The following SGO1 variants were observed in gnomAD, a reference collection of about 807,000 sequenced individuals.
SGO1 encodes the protein shugoshin 1, also known as serologically defined breast cancer antigen NY-BR-85.
In SGO1, 39 loss-of-function variants were observed where a neutral mutation model predicts 50.5. That is an observed-to-expected ratio of 0.77 (90% confidence interval 0.60 to 1.01). The LOEUF is 1.01. SGO1 is among the 50% of genes least tolerant of loss of function. The pLI, the probability that SGO1 is intolerant of heterozygous loss-of-function variation, is 0.00. For synonymous variants in SGO1, 191 were observed against 205.1 expected, an observed-to-expected ratio of 0.93 and a Z score of 0.59; for missense variants, 638 against 606.0, an observed-to-expected ratio of 1.05 and a Z score of -0.55.
chr3:20,163,068 G>A (rs1700121574), intron 8 of SGO1, among the ~76,000 whole-genome samples: 1 of 151,948 alleles, frequency 6.6e-6, no homozygotes, highest in African/African-American at 2.4e-5. Flanking sequence ...TAAGAAGTTA[G>A]GAAAGGGCAA....
At chr3:20,185,418 G>T (rs545546032) in intron 1 of SGO1, among the ~76,000 whole-genome samples, 16 of 152,306 alleles carry the variant, frequency 1.1e-4, no homozygotes, top group African/African-American at 3.8e-4. Context: ...TTATTAGCAG[G>T]GGGTGTGGTA....
In SGO1 at chr3:20,176,646, C is replaced by A; in HGVS notation, c.430G>T (p.Glu144Ter). ...CCTTGTCCTGGAAGTTCAGTTTCTT[C>A]AAGAGGAATTTGCCTTAGAAAATAC... Reference protein sequence around the residue: ...FVKDLPQIPLEETELPGQGES... With the variant: ...FVKDLPQIPL The change falls in exon 5 of 8, where the codon GAA (glutamate) becomes TAA (stop). Residue 144 changes from glutamate (E) to a stop codon, truncating the protein, a stop_gained. Coordinates refer to ENST00000412997, the MANE Select transcript of SGO1 (RefSeq NM_001199251.3). LOFTEE classifies it high-confidence loss of function. 6.4e-7 allele frequency: 1 copy of A among 1,568,536 alleles called. No individual in the cohort carries two copies. The highest frequency in any genetic ancestry group is 1.2e-5 in the South Asian group (1 of 80,770).
Position 20,170,740 on chromosome 3 carries a change from C to A in SGO1, c.1548G>T (p.Leu516Phe). Residue 516 changes from leucine (L) to phenylalanine (F), a missense_variant, in exon 8 of 8, where the codon TTG becomes TTT. By Grantham distance (22) the Leu-to-Phe change is conservative. Transcript: ENST00000412997. ...NSPIFKQKKD[L>F]RRSKKSMKQI... is the part of the protein sequence containing the mutation. ...GTTTCATACTTTTTTTAGAACGTCT[C>A]AAATCCTTTTTCTGCTTGAAAATAG... is the stretch of plus-strand genomic sequence containing the variant. The A allele has an allele frequency of 6.3e-7, 1 of 1,592,000 alleles. No homozygotes were observed. Among genetic ancestry groups the A allele is most frequent in the Non-Finnish European group, 8.5e-7 (1 of 1,174,916 alleles).
Position 20,183,612 on chromosome 3 carries a change from G to C in SGO1, c.335C>G (p.Ala112Gly), listed in dbSNP as rs540144797. The change falls in exon 3 of 8, where the codon GCT (alanine) becomes GGT (glycine). Residue 112 changes from alanine (A) to glycine (G), a missense_variant. Transcript: ENST00000412997. ...CGGCCTTAGTAATGAAAATACCTGA[G>C]CAGGTTCTACTGTTTGTTGTGATGT... ...KLTSQQTVEP[A>G]QNQEICSSGM... 6.3e-7 allele frequency: 1 copy of C among 1,575,894 alleles called. No individual in the cohort carries two copies. The highest frequency in any genetic ancestry group is 8.6e-7 in the Non-Finnish European group (1 of 1,166,668).
At chr3:20,175,832 C>G (rs1440842612) in intron 5 of SGO1, among the ~76,000 whole-genome samples, 1 of 151,754 alleles carries the variant, frequency 6.6e-6, no homozygotes, top group East Asian at 1.9e-4. Context: ...TTTATGTGCT[C>G]TTGGTTTAAA....
chr3:20,174,854 A>C lies in SGO1; in HGVS notation c.677T>G (p.Val226Gly), dbSNP rs763248748. ...LAGKSFEFER[V>G]GFLDPLVNMH... is the part of the protein sequence containing the mutation. Reference sequence around the variant, plus strand: ...GTTTACTAGTGGGTCTAAAAATCCAACTCTTTCGAATTCAAAAGACTTCCC... The same window carrying C: ...GTTTACTAGTGGGTCTAAAAATCCACCTCTTTCGAATTCAAAAGACTTCCC... The change falls in exon 6 of 8, where the codon GTT becomes GGT. Residue 226 changes from valine to glycine, a missense_variant. By Grantham distance (109) the Val-to-Gly change is moderately radical. Coordinates refer to ENST00000412997, the MANE Select transcript of SGO1 (RefSeq NM_001199251.3). The C allele has an allele frequency of 6.2e-7, 1 of 1,613,970 alleles. No homozygotes were observed. The highest frequency in any genetic ancestry group is 1.7e-5 in the Admixed American group (1 of 60,004).
intron 6 of SGO1, among the ~76,000 whole-genome samples, chr3:20,172,792 TAAAAAAA>T (rs60411282): frequency 1.0e-5 from 1 of 98,910 alleles, no homozygotes; most frequent in South Asian, 3.4e-4. Flanking sequence ...TCACAAAAAG[TAAAAAAA>T]AAAAAAAAAA....
intron 3 of SGO1, among the ~76,000 whole-genome samples, chr3:20,182,067 A>G (rs1478663574): frequency 6.6e-6 from 1 of 152,014 alleles, no homozygotes; most frequent in African/African-American, 2.4e-5. Context: ...TGGGTGACAG[A>G]GCAAGACTCT....
At position 20,181,954 on chromosome 3, in the gene SGO1, A is replaced by G. The variant is rs543182315; in HGVS notation, c.339+1654T>C. 6.6e-5 allele frequency among the ~76,000 whole-genome samples: 10 copies of G among 151,998 alleles called. No homozygotes were observed. In the South Asian group the frequency reaches 1.7e-3, roughly 25 times the overall value. Reference sequence around the variant, plus strand: ...AAAAATTAGCCAGGTGTGGTGGCGCATGCCTGTAATCCCAGCTACTCGGGA... The same window carrying G: ...AAAAATTAGCCAGGTGTGGTGGCGCGTGCCTGTAATCCCAGCTACTCGGGA... On this transcript the variant is annotated intron_variant, in intron 3 of 7. Transcript: ENST00000412997.
intron 3 of SGO1, among the ~76,000 whole-genome samples, chr3:20,181,145 ACT>A (rs1701973424): frequency 6.6e-6 from 1 of 152,122 alleles, no homozygotes; most frequent in African/African-American, 2.4e-5. Context: ...TAAGAGCGAG[ACT>A]CTGTCCACCC....
At chr3:20,168,980 G>A (rs1312612685), downstream of SGO1, 4 of 985,014 alleles carry the variant, frequency 4.1e-6, no homozygotes, top group East Asian at 1.1e-4. Context: ...GTTTAAGATA[G>A]CTACTCTAGT....
rs1700559807 is a variant in SGO1 at position 20,170,107 on chromosome 3, A to G, written c.*597T>C. ...CATTATTCATTTCTACAATGTTTGT[A>G]TAAGATACATTTTGGGCTGGGCACA... On this transcript the variant is annotated 3_prime_UTR_variant, in exon 8 of 8. Transcript: ENST00000412997. The G allele has an allele frequency of 2.0e-6, 2 of 985,146 alleles. No individual in the cohort carries two copies. The highest frequency in any genetic ancestry group is 6.2e-5 in the Admixed American group (1 of 16,252). The allele number at this position is 985,146 out of a possible 1,614,324, so 61.0% of individuals were successfully genotyped here.
Position 20,174,416 on chromosome 3 carries a change from C to G in SGO1, c.1115G>C (p.Ser372Thr), listed in dbSNP as rs770989060. Residue 372 changes from serine (S) to threonine (T), a missense_variant, in exon 6 of 8, where the codon AGT becomes ACT. Ser to Thr is a moderately conservative substitution (Grantham distance 58, BLOSUM62 1). Transcript: ENST00000412997. ...GTCATCGGAATCATCTCCTGAACCACTTGATTCACAGAGGCTCACTTCAGA... is the reference window on the plus strand; with the variant it reads ...GTCATCGGAATCATCTCCTGAACCAGTTGATTCACAGAGGCTCACTTCAGA... ...NESEVSLCES[S>T]GSGDDSDDLY... 6.2e-7 allele frequency: 1 copy of G among 1,614,154 alleles called. No individual in the cohort carries two copies. Among genetic ancestry groups the G allele is most frequent in the Non-Finnish European group, 8.5e-7 (1 of 1,180,026 alleles).
At position 20,172,874 on chromosome 3, in the gene SGO1, A is replaced by G. The variant is rs568635850; in HGVS notation, c.1282+1375T>C. Among the ~76,000 whole-genome samples the G allele has an allele frequency of 4.0e-5, 6 of 151,332 alleles. No homozygotes were observed. The South Asian group carries it at 1.0e-3, about 26-fold the overall frequency. On this transcript the variant is annotated intron_variant, in intron 6 of 7. Transcript: ENST00000412997. ...CCAAGTACTGGGGAGGCTGAGGTGG[A>G]AGAATCACTTGAGCCTGGGAGGTTG...
At chr3:20,176,711 A>G (rs1345323944) in intron 4 of SGO1, 52 bp from the exon 5 acceptor site, 4 of 1,197,356 alleles carry the variant, frequency 3.3e-6, no homozygotes, top group Non-Finnish European at 4.8e-6. Context: ...TAATAAAAAC[A>G]AATTCAGTAT....
downstream of SGO1, among the ~76,000 whole-genome samples, chr3:20,166,517 C>T (rs927985839): frequency 2.6e-5 from 4 of 151,960 alleles, no homozygotes; most frequent in South Asian, 6.2e-4. Context: ...CTGTGAGGTA[C>T]CTGGAACAGT....
In SGO1 at chr3:20,171,191, T is replaced by C. The variant is rs745570617; in HGVS notation, c.1324A>G (p.Lys442Glu). The change falls in exon 7 of 8, where the codon AAG (lysine) becomes GAG (glutamate). Residue 442 changes from lysine to glutamate, a missense_variant. Physicochemically the swap from Lys to Glu is moderately conservative, Grantham distance 56. Coordinates refer to ENST00000412997, the MANE Select transcript of SGO1 (RefSeq NM_001199251.3). ...ETQQSPHLSL[K>E]DITNVSLYPV... ...TACAAGGAGACATTGGTGATATCCT[T>C]CAGGCTAAGATGAGGTGACTGCTGA... is the stretch of plus-strand genomic sequence containing the variant. 1.2e-6 allele frequency: 2 copies of C among 1,610,410 alleles called. No individual in the cohort carries two copies. The highest frequency in any genetic ancestry group is 1.7e-5 in the Admixed American group (1 of 59,212).
Position 20,171,140 on chromosome 3 carries a change from A to T in SGO1, c.1375T>A (p.Ser459Thr), listed in dbSNP as rs750682149. The part of the protein sequence containing the change: ...LYPVVKIRRL[S>T]LSPKKNKASP... ...GCTTTATTCTTTTTTGGAGAAAGAG[A>T]AAGTCTTCTGATTTTCACAACAGGA... Residue 459 changes from serine (S) to threonine (T), a missense_variant, in exon 7 of 8, where the codon TCT (serine) becomes ACT (threonine). By Grantham distance (58) the Ser-to-Thr change is moderately conservative (BLOSUM62 1). Transcript: ENST00000412997. The T allele has an allele frequency of 1.1e-5, 18 of 1,613,170 alleles. No homozygotes were observed. The highest frequency in any genetic ancestry group is 5.0e-5 in the Admixed American group (3 of 59,866).
In SGO1 at chr3:20,183,547, T is replaced by C. The variant is rs78946289; in HGVS notation, c.339+61A>G. Reference sequence around the variant, plus strand: ...TAATTCATTTAAATAACATAATTGATCTAAACTACTTATTCATGGCTTAAC... The same window carrying C: ...TAATTCATTTAAATAACATAATTGACCTAAACTACTTATTCATGGCTTAAC... On this transcript the variant is annotated intron_variant, in intron 3 of 7. Transcript: ENST00000412997. The C allele has an allele frequency of 2.0e-3, 2,555 of 1,301,892 alleles. 47 individuals are homozygous for C. In the African/African-American group the frequency reaches 0.033, roughly 17 times the overall value. The allele number at this position is 1,301,892 out of a possible 1,614,324, so 80.6% of individuals were successfully genotyped here. A position where few individuals can be genotyped will look rare whatever the true frequency, so the allele number is the denominator to read the frequency against.
Sources: gnomAD v4.1 joint callset for allele counts (sites outside exome capture counted in the v4.1 genomes callset) on GRCh38, gnomAD v4.1.1 for gene constraint, MANE v1.5 for transcripts, NCBI Gene and HGNC (gene_info 2026-07-23, HGNC 2026-07-21) for gene names.